MYO10: variants seen among roughly 807,000 people sequenced by gnomAD.
MYO10 encodes myosin X, also known as unconventional myosin-X.
A neutral mutation model predicts 257.3 loss-of-function variants in MYO10; 133 were observed. The ratio of observed to expected loss-of-function variants is 0.52; its 90% CI spans 0.45 to 0.60. The LOEUF is 0.60. MYO10 is among the 20% of genes least tolerant of loss of function. The pLI, the probability that MYO10 is intolerant of heterozygous loss-of-function variation, is 0.00. For missense variants in MYO10, 2,399 were observed against 2,635.7 expected (o/e 0.91, Z 1.97); for synonymous variants, 1,104 against 1,028.6 (o/e 1.07, Z -1.40).
At chr5:16,749,212 C>G (rs1740307793) in intron 19 of MYO10, among the ~76,000 whole-genome samples, 1 of 152,114 alleles carries the variant, frequency 6.6e-6, no homozygotes, top group Non-Finnish European at 1.5e-5. Flanking sequence ...GTAAACCTTA[C>G]TCCATGCTGC....
chr5:16,865,695 C>T (rs1349766484), intron 2 of MYO10, among the ~76,000 whole-genome samples: 1 of 151,866 alleles, frequency 6.6e-6, no homozygotes, highest in African/African-American at 2.4e-5. Context: ...TCTGTAGTCC[C>T]AGCTACTCGG....
At chr5:16,878,369 G>A (rs1713851107) in intron 1 of MYO10, among the ~76,000 whole-genome samples, 1 of 152,172 alleles carries the variant, frequency 6.6e-6, no homozygotes, top group Non-Finnish European at 1.5e-5. Context: ...AGGATTACAT[G>A]AGACACCTAA....
intron 1 of MYO10, among the ~76,000 whole-genome samples, chr5:16,879,260 CTCATT>C (rs1345629871): frequency 3.3e-5 from 5 of 152,098 alleles, no homozygotes; most frequent in East Asian, 3.9e-4. Flanking sequence ...AATTTTCTAC[CTCATT>C]TCATTTATTT....
At chr5:16,826,872 G>A (rs1379782089) in intron 2 of MYO10, among the ~76,000 whole-genome samples, 1 of 152,186 alleles carries the variant, frequency 6.6e-6, no homozygotes, top group Non-Finnish European at 1.5e-5. Flanking sequence ...ACATATGGCT[G>A]AAATTAGCAA....
intron 2 of MYO10, among the ~76,000 whole-genome samples, chr5:16,856,049 G>A (rs1399924290): frequency 2.6e-5 from 4 of 152,176 alleles, no homozygotes; most frequent in African/African-American, 9.7e-5. Flanking sequence ...CACAGGCCAC[G>A]AGCTGAATTT....
At chr5:16,670,447 T>C (rs1736393190) in intron 39 of MYO10, 79 bp downstream of exon 39, 3 of 1,307,496 alleles carry the variant, frequency 2.3e-6, no homozygotes, top group African/African-American at 1.5e-5. Context: ...TTGTCTTCTC[T>C]CCACATGAAC....
chr5:16,769,468 G>A (rs1038023993), intron 9 of MYO10, among the ~76,000 whole-genome samples: 1 of 152,154 alleles, frequency 6.6e-6, no homozygotes, highest in Non-Finnish European at 1.5e-5. Context: ...CCGAGTAGCT[G>A]GGATTACAGG....
At chr5:16,702,717 C>T (rs1738141095) in intron 23 of MYO10, 129 bp from the exon 24 acceptor site, 2 of 986,440 alleles carry the variant, frequency 2.0e-6, no homozygotes, top group Admixed American at 5.2e-5. Flanking sequence ...CTTCCTCTGG[C>T]CATGGATTTA....
chr5:16,772,308 A>G (rs765582561), intron 9 of MYO10, among the ~76,000 whole-genome samples: 3 of 151,908 alleles, frequency 2.0e-5, no homozygotes, highest in Non-Finnish European at 4.4e-5. Context: ...AATTTTGTAT[A>G]TTTAGTAGAG....
intron 19 of MYO10, among the ~76,000 whole-genome samples, chr5:16,742,752 A>C (rs2126632943): frequency 6.6e-6 from 1 of 151,634 alleles, no homozygotes; most frequent in East Asian, 1.9e-4. Context: ...CGGACATTGC[A>C]GTGGCTGAGA....
chr5:16,768,989 T>C, intron 10 of MYO10, 85 bp downstream of exon 10: 2 of 1,442,326 alleles, frequency 1.4e-6, no homozygotes, highest in Non-Finnish European at 1.8e-6. Context: ...ATTTTCTTTC[T>C]GAAAGGCTAG....
At chr5:16,914,397 C>T (rs984972633) in intron 1 of MYO10, among the ~76,000 whole-genome samples, 17 of 152,172 alleles carry the variant, frequency 1.1e-4, no homozygotes, top group Non-Finnish European at 2.4e-4. Context: ...CTTATAAGAA[C>T]CTAACATGCG....
intron 19 of MYO10, among the ~76,000 whole-genome samples, chr5:16,754,366 CTATT>C (rs1055383492): frequency 6.6e-6 from 1 of 151,924 alleles, no homozygotes; most frequent in African/African-American, 2.4e-5. Context: ...TTATAAACAA[CTATT>C]TAAAGTACTT....
At chr5:16,724,054 C>A (rs152726) in intron 19 of MYO10, among the ~76,000 whole-genome samples, 1 of 151,986 alleles carries the variant, frequency 6.6e-6, no homozygotes, top group African/African-American at 2.4e-5. Flanking sequence ...TCAAAACTCG[C>A]GGAACTTTAG....
intron 2 of MYO10, among the ~76,000 whole-genome samples, chr5:16,859,437 TG>T (rs1744051526): frequency 6.6e-6 from 1 of 152,020 alleles, no homozygotes; most frequent in African/African-American, 2.4e-5. Context: ...ACCATCACAT[TG>T]GGGGCTAGGA....
rs796799544 is a variant in MYO10 at position 16,719,999 on chromosome 5, T to C, written c.1930-8754A>G. Among the ~76,000 whole-genome samples the C allele has an allele frequency of 7.9e-3, 1,032 of 131,396 alleles. 4 individuals are homozygous for C. The highest frequency in any genetic ancestry group is 0.012 in the South Asian group (57 of 4,766). 86.2% of individuals were successfully genotyped at this position (131,396 alleles called of 152,430 possible). A position where few individuals can be genotyped will look rare whatever the true frequency, so the allele number is the denominator to read the frequency against. ...AAATGTGTGTGCGTGCGTGTGTGTG[T>C]GTGTGTGTGTGTGTGTGTGTGTGTA... On this transcript the variant is annotated intron_variant, in intron 19 of 40. Transcript: ENST00000513610.
intron 30 of MYO10, among the ~76,000 whole-genome samples, chr5:16,683,530 C>A (rs1737104074): frequency 6.6e-6 from 1 of 152,198 alleles, no homozygotes. Context: ...GAGAATGACT[C>A]CCTTCCCCTT....
At chr5:16,709,846 G>A (rs78162175) in intron 21 of MYO10, among the ~76,000 whole-genome samples, 2,427 of 152,238 alleles carry the variant, frequency 0.016, 84 homozygotes, top group East Asian at 0.12. Flanking sequence ...CCTGTTTTGT[G>A]TTTATATCTC....
chr5:16,923,953 G>A (rs1746062122), intron 1 of MYO10, among the ~76,000 whole-genome samples: 1 of 152,128 alleles, frequency 6.6e-6, no homozygotes, highest in Non-Finnish European at 1.5e-5. Context: ...AGCCAGGCAA[G>A]GTGGCACAGG....
Sources: allele counts gnomAD v4.1 joint callset (sites outside exome capture counted in the v4.1 genomes callset), GRCh38; gene constraint gnomAD v4.1.1; transcripts MANE v1.5; gene names NCBI Gene and HGNC (gene_info 2026-07-23, HGNC 2026-07-21).